The following RBFOX1 variants were observed in gnomAD, a reference collection of about 807,000 sequenced individuals.
RBFOX1 encodes the protein RNA binding fox-1 homolog 1, also known as RNA binding protein fox-1 homolog 1.
A neutral mutation model predicts 57.7 loss-of-function variants in RBFOX1; 8 were observed. The observed-to-expected ratio is 0.14, with a 90% CI of 0.08 to 0.25. The LOEUF (loss-of-function observed/expected upper bound fraction) is 0.25, where lower values mean the gene tolerates loss of function less well. Ranked by LOEUF, RBFOX1 falls within the 10% of genes least tolerant of loss-of-function variation. The pLI, the probability that RBFOX1 is intolerant of heterozygous loss-of-function variation, is 1.00. For missense variants in RBFOX1, 611 were observed against 548.5 expected (o/e 1.11, Z -1.14); for synonymous variants, 326 against 222.4 (o/e 1.47, Z -4.15).
intron 4 of RBFOX1, among the ~76,000 whole-genome samples, chr16:7,360,315 T>C (rs937409844): frequency 1.3e-5 from 2 of 152,178 alleles, no homozygotes; most frequent in African/African-American, 4.8e-5. Context: ...CAAACTGTGG[T>C]CAACTGAAAA....
intron 3 of RBFOX1, among the ~76,000 whole-genome samples, chr16:5,805,565 A>G (rs1469864524): frequency 6.6e-6 from 1 of 152,222 alleles, no homozygotes; most frequent in Non-Finnish European, 1.5e-5. Context: ...GAAGAGTTGA[A>G]CAAAGGAATT....
chr16:6,900,959 C>T (rs1005548285), intron 3 of RBFOX1, among the ~76,000 whole-genome samples: 6 of 152,156 alleles, frequency 3.9e-5, no homozygotes, highest in South Asian at 2.1e-4. Context: ...GGTGTGAATG[C>T]CATTTAAGAT....
intron 3 of RBFOX1, among the ~76,000 whole-genome samples, chr16:5,778,976 A>C (rs147525500): frequency 1.3e-5 from 2 of 152,290 alleles, no homozygotes; most frequent in African/African-American, 4.8e-5. Flanking sequence ...CCATTGATCT[A>C]TTCATTAACT....
chr16:7,129,078 C>G (rs565059038), intron 4 of RBFOX1, among the ~76,000 whole-genome samples: 3 of 152,158 alleles, frequency 2.0e-5, no homozygotes, highest in South Asian at 2.1e-4. Context: ...CTCAGCCTCC[C>G]AAAGTGCTGG....
intron 3 of RBFOX1, among the ~76,000 whole-genome samples, chr16:6,706,004 C>A (rs889872702): frequency 6.6e-6 from 1 of 152,058 alleles, no homozygotes; most frequent in Non-Finnish European, 1.5e-5. Flanking sequence ...GGTGAAAGAG[C>A]AAGACTCTGT....
chr16:5,556,087 C>A (rs2045664377), intron 2 of RBFOX1, among the ~76,000 whole-genome samples: 1 of 152,144 alleles, frequency 6.6e-6, no homozygotes, highest in African/African-American at 2.4e-5. Flanking sequence ...TCCCTGTATT[C>A]TACTGCTATG....
chr16:5,327,338 C>A lies in RBFOX1; in HGVS notation c.219+87233C>A, dbSNP rs541586572. Among the ~76,000 whole-genome samples the A allele has an allele frequency of 8.5e-5, 13 of 152,292 alleles. No homozygotes were observed. The East Asian group carries it at 2.3e-3, about 27-fold the overall frequency. ...GAAGCCTTGGGGAATCTGTGTAGCCCACAAACTTCCCTGGTAATTGTGAAG... is the reference window on the plus strand; with the variant it reads ...GAAGCCTTGGGGAATCTGTGTAGCCAACAAACTTCCCTGGTAATTGTGAAG... On this transcript the variant is annotated intron_variant, in intron 1 of 2. Transcript: ENST00000585867.
chr16:7,394,084 A>G (rs983917294), intron 4 of RBFOX1, among the ~76,000 whole-genome samples: 7 of 151,818 alleles, frequency 4.6e-5, no homozygotes, highest in Admixed American at 3.3e-4. Context: ...AAAAATACCA[A>G]AATTAGCCGG....
intron 1 of RBFOX1, among the ~76,000 whole-genome samples, chr16:5,427,038 G>C (rs916482981): frequency 6.6e-6 from 1 of 152,060 alleles, no homozygotes; most frequent in Non-Finnish European, 1.5e-5. Context: ...CACCTCCTCT[G>C]TTTTTTTGGC....
intron 1 of RBFOX1, among the ~76,000 whole-genome samples, chr16:6,205,011 C>T (rs1452434250): frequency 6.6e-6 from 1 of 152,098 alleles, no homozygotes; most frequent in Admixed American, 6.6e-5. Context: ...TTTTAAATTA[C>T]CATAAACCGA....
rs115676050 is a variant in RBFOX1, at chr16:6,822,483, A to G, written c.-16+167833A>G. Among the ~76,000 whole-genome samples, 648 of 152,318 alleles carry G rather than the reference A, an allele frequency of 4.3e-3. 4 individuals carry two copies. The highest frequency in any genetic ancestry group is 0.015 in the African/African-American group (611 of 41,572). On this transcript the variant is annotated intron_variant, in intron 3 of 15. Coordinates refer to ENST00000550418, the MANE Select transcript of RBFOX1 (RefSeq NM_018723.4). ...TCAGAGAAAGGGTTATAAATAAAAC[A>G]CATGCATCAATCTGAGTTTCACAAC...
chr16:6,693,493 C>T (rs1603430809), intron 3 of RBFOX1, among the ~76,000 whole-genome samples: 1 of 151,822 alleles, frequency 6.6e-6, no homozygotes, highest in South Asian at 2.1e-4. Context: ...CTACCATCAC[C>T]ACCATCATCA....
At chr16:5,663,629 G>A (rs1169063661) in intron 3 of RBFOX1, among the ~76,000 whole-genome samples, 1 of 152,218 alleles carries the variant, frequency 6.6e-6, no homozygotes, top group Non-Finnish European at 1.5e-5. Flanking sequence ...TGTACTGAAT[G>A]AAGGTAGCCA....
intron 4 of RBFOX1, among the ~76,000 whole-genome samples, chr16:5,876,405 G>A (rs2057612135): frequency 6.6e-6 from 1 of 152,186 alleles, no homozygotes; most frequent in South Asian, 2.1e-4. Context: ...TAGGAGGGAA[G>A]TTGAGACTCA....
At chr16:7,413,666 G>A (rs8059712) in intron 4 of RBFOX1, among the ~76,000 whole-genome samples, 46,517 of 151,594 alleles carry the variant, frequency 0.31, 8,113 homozygotes, top group East Asian at 0.61. Context: ...TAACATAAAT[G>A]TCAAAAAAGT....
At chr16:5,380,311 A>G (rs574138669) in intron 1 of RBFOX1, among the ~76,000 whole-genome samples, 13 of 152,300 alleles carry the variant, frequency 8.5e-5, no homozygotes, top group East Asian at 3.9e-4. Flanking sequence ...TATTCAATCT[A>G]TCATTGTGCC....
chr16:6,625,227 C>G (rs1601874793), intron 2 of RBFOX1, among the ~76,000 whole-genome samples: 1 of 114,136 alleles, frequency 8.8e-6, no homozygotes, highest in Non-Finnish European at 1.8e-5. Flanking sequence ...ACCCCCAAAA[C>G]AATTTCACAA....
Position 7,709,135 on chromosome 16 carries a change from A to C in RBFOX1, c.1071+4A>C. 3.1e-6 allele frequency: 5 copies of C among 1,609,324 alleles called. No individual in the cohort carries two copies. The highest frequency in any genetic ancestry group is 4.3e-6 in the Non-Finnish European group (5 of 1,176,060). On this transcript the variant is annotated splice_donor_region_variant and intron_variant, in intron 15 of 15. Transcript: ENST00000550418. ...CACCTACGGCGTTGGTGCCATGGTG[A>C]GTACAAGTTTCTCCTTGTCCTCACT...
At chr16:6,278,738 G>A (rs953679004) in intron 1 of RBFOX1, among the ~76,000 whole-genome samples, 1 of 152,058 alleles carries the variant, frequency 6.6e-6, no homozygotes, top group Non-Finnish European at 1.5e-5. Flanking sequence ...ACAGCTTAGA[G>A]CAGAGTAGGT....
Sources: gnomAD v4.1 joint callset for allele counts (sites outside exome capture counted in the v4.1 genomes callset) on GRCh38, gnomAD v4.1.1 for gene constraint, MANE v1.5 for transcripts, NCBI Gene and HGNC (gene_info 2026-07-23, HGNC 2026-07-21) for gene names.